The following CFAP299 variants were observed in gnomAD, a reference collection of about 807,000 sequenced individuals.
The protein encoded by CFAP299 is cilia- and flagella-associated protein 299.
A neutral mutation model predicts 27.0 loss-of-function variants in CFAP299; 21 were observed. The observed-to-expected ratio is 0.78, with a 90% confidence interval of 0.55 to 1.12. The LOEUF is 1.12. Among genes scored for constraint, CFAP299 ranks in the 50% most tolerant of loss-of-function variants. The probability of loss-of-function intolerance (pLI) is 0.00; values close to 1 mark genes in which losing one functional copy is unlikely to be tolerated. For synonymous variants in CFAP299, 104 were observed against 98.1 expected, an observed-to-expected ratio of 1.06 and a Z score of -0.36; for missense variants, 310 against 276.6, an observed-to-expected ratio of 1.12 and a Z score of -0.86.
At chr4:80,590,412 G>A (rs1034722677) in intron 3 of CFAP299, among the ~76,000 whole-genome samples, 1 of 152,148 alleles carries the variant, frequency 6.6e-6, no homozygotes, top group Non-Finnish European at 1.5e-5. Flanking sequence ...GCCGAGATGG[G>A]CAGATCACGA....
At chr4:80,918,988 A>G (rs975299073) in intron 4 of CFAP299, among the ~76,000 whole-genome samples, 1 of 152,102 alleles carries the variant, frequency 6.6e-6, no homozygotes, top group Non-Finnish European at 1.5e-5. Flanking sequence ...GAGCCCCTTT[A>G]TCAATGAGAA....
At chr4:80,714,013 G>T (rs1405826982) in intron 3 of CFAP299, among the ~76,000 whole-genome samples, 1 of 151,928 alleles carries the variant, frequency 6.6e-6, no homozygotes, top group African/African-American at 2.4e-5. Flanking sequence ...TGAGATAGTG[G>T]AATATATATA....
intron 3 of CFAP299, among the ~76,000 whole-genome samples, chr4:80,814,883 A>T (rs1729346123): frequency 6.6e-6 from 1 of 152,110 alleles, no homozygotes; most frequent in African/African-American, 2.4e-5. Flanking sequence ...CTGCATTGAA[A>T]ATTCTGACCC....
chr4:80,822,689 A>C (rs1729769353), intron 3 of CFAP299, among the ~76,000 whole-genome samples: 1 of 152,202 alleles, frequency 6.6e-6, no homozygotes, highest in Non-Finnish European at 1.5e-5. Flanking sequence ...CAAAGTTGTA[A>C]CATGATGTAA....
chr4:80,350,626 C>T (rs559067608), intron 1 of CFAP299, among the ~76,000 whole-genome samples: 1 of 152,302 alleles, frequency 6.6e-6, no homozygotes, highest in East Asian at 1.9e-4. Flanking sequence ...AGTTCATGTC[C>T]TTTGCAGGGA....
At chr4:80,441,453 C>T (rs1271077151) in intron 2 of CFAP299, among the ~76,000 whole-genome samples, 1 of 152,152 alleles carries the variant, frequency 6.6e-6, no homozygotes, top group Non-Finnish European at 1.5e-5. Flanking sequence ...TCCAGCCAAA[C>T]TAAGCTTCAT....
At chr4:80,440,836 T>C (rs1728324346) in intron 2 of CFAP299, among the ~76,000 whole-genome samples, 1 of 152,172 alleles carries the variant, frequency 6.6e-6, no homozygotes, top group Non-Finnish European at 1.5e-5. Context: ...AATGGCTAAC[T>C]AGAATAACCA....
chr4:80,815,344 A>G (rs1578150719), intron 3 of CFAP299, among the ~76,000 whole-genome samples: 1 of 151,754 alleles, frequency 6.6e-6, no homozygotes, highest in African/African-American at 2.4e-5. Context: ...GTGTGTGTGT[A>G]TGTGCAATGA....
At chr4:80,685,078 A>G (rs1448066256) in intron 3 of CFAP299, among the ~76,000 whole-genome samples, 5 of 152,194 alleles carry the variant, frequency 3.3e-5, no homozygotes, top group African/African-American at 1.2e-4. Context: ...TATCAAGACA[A>G]CAAACAGGAA....
chr4:80,921,414 T>A (rs1165016094), intron 4 of CFAP299, among the ~76,000 whole-genome samples: 2 of 152,028 alleles, frequency 1.3e-5, no homozygotes, highest in African/African-American at 2.4e-5. Context: ...CTGAGAGAGC[T>A]AATTTTTAAA....
At chr4:80,472,238 AGTT>A (rs1166245890) in intron 2 of CFAP299, among the ~76,000 whole-genome samples, 3 of 152,194 alleles carry the variant, frequency 2.0e-5, no homozygotes, top group Non-Finnish European at 4.4e-5. Context: ...AAAATGAGTA[AGTT>A]ATTTAGTAAA....
chr4:80,904,617 A>G (rs1022152795), intron 4 of CFAP299, among the ~76,000 whole-genome samples: 7 of 152,002 alleles, frequency 4.6e-5, no homozygotes, highest in African/African-American at 9.7e-5. Flanking sequence ...GTTAGGCCCT[A>G]AAAAAAGAGA....
intron 2 of CFAP299, among the ~76,000 whole-genome samples, chr4:80,577,882 CTT>C (rs1434330777): frequency 6.6e-6 from 1 of 151,938 alleles, no homozygotes; most frequent in Non-Finnish European, 1.5e-5. Flanking sequence ...AATTATTTTC[CTT>C]TTGTTATTCA....
intron 2 of CFAP299, among the ~76,000 whole-genome samples, chr4:80,521,833 A>G (rs1732929315): frequency 6.6e-6 from 1 of 151,776 alleles, no homozygotes; most frequent in Non-Finnish European, 1.5e-5. Flanking sequence ...CATTGTAGGT[A>G]TATATCACTT....
intron 2 of CFAP299, among the ~76,000 whole-genome samples, chr4:80,392,940 T>TGAGAAA (rs1412311696): frequency 6.6e-6 from 1 of 152,176 alleles, no homozygotes; most frequent in Non-Finnish European, 1.5e-5. Context: ...AGGCAGGTCC[T>TGAGAAA]TCAGGAAATA....
At chr4:80,442,958 A>G (rs559513662) in intron 2 of CFAP299, among the ~76,000 whole-genome samples, 2 of 152,350 alleles carry the variant, frequency 1.3e-5, no homozygotes, top group East Asian at 3.9e-4. Flanking sequence ...AAATTCCTGG[A>G]CACATACACA....
intron 2 of CFAP299, among the ~76,000 whole-genome samples, chr4:80,540,022 G>A (rs749425451): frequency 1.6e-5 from 2 of 128,492 alleles, no homozygotes; most frequent in Non-Finnish European, 3.1e-5. Flanking sequence ...TGTGGAGTCT[G>A]TAAAAGCTGC....
intron 4 of CFAP299, among the ~76,000 whole-genome samples, chr4:80,920,340 C>T (rs1735983619): frequency 6.6e-6 from 1 of 152,064 alleles, no homozygotes; most frequent in Non-Finnish European, 1.5e-5. Flanking sequence ...CAAAGTTAAG[C>T]AAAGCAGTAG....
intron 3 of CFAP299, among the ~76,000 whole-genome samples, chr4:80,836,972 C>T (rs1021330304): frequency 6.6e-6 from 1 of 151,858 alleles, no homozygotes; most frequent in African/African-American, 2.4e-5. Flanking sequence ...TAATTCTAGG[C>T]TTTTGACTAG....
Sources: allele counts gnomAD v4.1 joint callset (sites outside exome capture counted in the v4.1 genomes callset), GRCh38; gene constraint gnomAD v4.1.1; transcripts MANE v1.5; gene names NCBI Gene and HGNC (gene_info 2026-07-23, HGNC 2026-07-21).